PRDM5: variants seen among roughly 807,000 people sequenced by gnomAD.
The protein encoded by PRDM5 is PR/SET domain 5, also known as PR domain zinc finger protein 5.
A neutral mutation model predicts 81.2 loss-of-function variants in PRDM5; 56 were observed. The observed-to-expected ratio is 0.69, with a 90% confidence interval of 0.56 to 0.86. PRDM5 has a LOEUF of 0.86. Among genes scored for constraint, PRDM5 ranks in the 40% least tolerant of loss-of-function variants. PRDM5 has a pLI of 0.00. For synonymous variants in PRDM5, 267 were observed against 256.4 expected, an observed-to-expected ratio of 1.04 and a Z score of -0.39; for missense variants, 697 against 770.1, an observed-to-expected ratio of 0.91 and a Z score of 1.12.
intron 2 of PRDM5, among the ~76,000 whole-genome samples, chr4:120,904,380 G>A (rs374062287): frequency 1.4e-4 from 22 of 151,958 alleles, no homozygotes; most frequent in African/African-American, 4.8e-4. Context: ...GTATCAAAAG[G>A]TCTCAGGTGA....
intron 14 of PRDM5, among the ~76,000 whole-genome samples, 191 bp from the exon 15 acceptor site, chr4:120,710,604 G>T (rs1162400864): frequency 2.0e-5 from 3 of 152,158 alleles, no homozygotes; most frequent in Non-Finnish European, 2.9e-5. Context: ...TATGTCATGG[G>T]AAGGACCTGA....
intron 15 of PRDM5, 51 bp from the exon 16 acceptor site, chr4:120,695,326 A>G (rs1560875900): frequency 6.3e-7 from 1 of 1,593,044 alleles, no homozygotes; most frequent in Non-Finnish European, 8.6e-7. Context: ...AACAAAATTT[A>G]TAAACAAAAT....
At position 120,818,446 on chromosome 4, in the gene PRDM5, A is replaced by T. The variant is rs1251163677; in HGVS notation, c.557T>A (p.Leu186His). 2.2e-5 allele frequency: 36 copies of T among 1,613,608 alleles called. No homozygotes were observed. Among genetic ancestry groups the T allele is most frequent in the Non-Finnish European group, 2.9e-5 (34 of 1,179,656 alleles). The change falls in exon 5 of 16, where the codon CTC becomes CAC. Residue 186 changes from leucine (L) to histidine (H), a missense_variant. Around this residue, in one of 3 missense-constraint regions of PRDM5, gnomAD observed 577 missense variants for 606.7 expected, o/e 0.95. Coordinates refer to ENST00000264808, the MANE Select transcript of PRDM5 (RefSeq NM_018699.4). ...FTSEDILAEH[L>H]QTLHQKPTEE... is the part of the protein sequence containing the mutation. ...TGTGGGTTTCTGGTGCAATGTCTGG[A>T]GATGCTCAGCAAGAATATCCTCACT...
At chr4:120,839,240 T>G (rs1473845795) in intron 3 of PRDM5, 1 of 702,974 alleles carries the variant, frequency 1.4e-6, no homozygotes, top group Non-Finnish European at 2.6e-6. Context: ...ACAGCTCTTT[T>G]AGCCTCGCCA....
intron 2 of PRDM5, among the ~76,000 whole-genome samples, chr4:120,870,571 A>G (rs1040648071): frequency 6.6e-6 from 1 of 152,182 alleles, no homozygotes; most frequent in African/African-American, 2.4e-5. Context: ...AGGAAAAATA[A>G]TGAGTGAGTA....
chr4:120,898,318 T>A (rs564519727), intron 2 of PRDM5, among the ~76,000 whole-genome samples: 2 of 152,350 alleles, frequency 1.3e-5, no homozygotes, highest in South Asian at 2.1e-4. Context: ...TTTATAATAA[T>A]CTGCCACGCA....
chr4:120,909,706 A>C lies in PRDM5; in HGVS notation c.94-2149T>G, dbSNP rs180890489. On this transcript the variant is annotated intron_variant, in intron 1 of 15. Coordinates refer to ENST00000264808, the MANE Select transcript of PRDM5 (RefSeq NM_018699.4). ...TAGAAACTCAAATAAATGCAATGGG[A>C]TCGGGGGGTGGGGGGTGCGGGGGAA... 7.6e-4 allele frequency among the ~76,000 whole-genome samples: 100 copies of C among 132,070 alleles called. No individual in the cohort carries two copies. The East Asian group carries it at 0.02, about 27-fold the overall frequency. The allele number at this position is 132,070 out of a possible 152,430, so 86.6% of individuals were successfully genotyped here. A position where few individuals can be genotyped will look rare whatever the true frequency, so the allele number is the denominator to read the frequency against.
intron 14 of PRDM5, among the ~76,000 whole-genome samples, chr4:120,741,041 T>C (rs1046116957): frequency 1.3e-5 from 2 of 152,124 alleles, no homozygotes; most frequent in South Asian, 2.1e-4. Context: ...AACTCAAATA[T>C]CATCCTCTAT....
intron 8 of PRDM5, among the ~76,000 whole-genome samples, chr4:120,810,020 A>G (rs571418201): frequency 1.3e-5 from 2 of 152,308 alleles, no homozygotes; most frequent in African/African-American, 4.8e-5. Context: ...CACTGATTCT[A>G]TATTATGGTG....
intron 2 of PRDM5, among the ~76,000 whole-genome samples, chr4:120,900,972 C>T (rs546915122): frequency 1.3e-3 from 200 of 152,234 alleles, no homozygotes; most frequent in Non-Finnish European, 2.2e-3. Flanking sequence ...CTATTGTTAC[C>T]CATTCACTTC....
chr4:120,808,211 G>C (rs1240414287), intron 8 of PRDM5, among the ~76,000 whole-genome samples: 1 of 152,140 alleles, frequency 6.6e-6, no homozygotes, highest in East Asian at 1.9e-4. Flanking sequence ...CCCACATCCT[G>C]CTGATTGGTC....
At chr4:120,869,720 C>T (rs921722497) in intron 2 of PRDM5, among the ~76,000 whole-genome samples, 1 of 152,004 alleles carries the variant, frequency 6.6e-6, no homozygotes, top group African/African-American at 2.4e-5. Flanking sequence ...GGCACAGATA[C>T]AGAAAAACTA....
chr4:120,883,697 A>T (rs2667174), intron 2 of PRDM5, among the ~76,000 whole-genome samples: 9 of 152,216 alleles, frequency 5.9e-5, no homozygotes, highest in African/African-American at 2.2e-4. Context: ...AAGTCTGCAC[A>T]TTGTGCACAT....
At chr4:120,904,126 G>A (rs1218086341) in intron 2 of PRDM5, among the ~76,000 whole-genome samples, 2 of 140,782 alleles carry the variant, frequency 1.4e-5, no homozygotes, top group Non-Finnish European at 3.0e-5. Context: ...GGAGATGGAG[G>A]TTGCAGTGAG....
chr4:120,743,913 C>T (rs1742537259), intron 14 of PRDM5, among the ~76,000 whole-genome samples: 1 of 151,730 alleles, frequency 6.6e-6, no homozygotes. Context: ...TTGAACTCAG[C>T]TCTGCACCAA....
intron 7 of PRDM5, among the ~76,000 whole-genome samples, chr4:120,813,958 G>T (rs925137865): frequency 2.0e-5 from 3 of 152,158 alleles, no homozygotes; most frequent in Non-Finnish European, 2.9e-5. Context: ...TCTGCCTGCA[G>T]GTATCAAAGG....
In PRDM5 at chr4:120,885,621, C is replaced by G. The variant is rs367646546; in HGVS notation, c.177+21853G>C. On this transcript the variant is annotated intron_variant, in intron 2 of 15. Coordinates refer to ENST00000264808, the MANE Select transcript of PRDM5 (RefSeq NM_018699.4). ...CCAGTCTGTCCAACATGGTGAAACC[C>G]CATCTCTACTAAAAATACAAAACTT... 2.6e-5 allele frequency: 4 copies of G among 152,110 alleles called. No individual in the cohort carries two copies. The East Asian group carries it at 5.8e-4, about 22-fold the overall frequency. 9.4% of individuals were successfully genotyped at this position (152,110 alleles called of 1,614,324 possible). A position where few individuals can be genotyped will look rare whatever the true frequency, so the allele number is the denominator to read the frequency against.
intron 14 of PRDM5, among the ~76,000 whole-genome samples, chr4:120,733,953 G>T (rs765070413): frequency 6.6e-6 from 1 of 151,334 alleles, no homozygotes; most frequent in African/African-American, 2.4e-5. Flanking sequence ...AAAGTATGCC[G>T]ATGGCAGAGG....
intron 1 of PRDM5, among the ~76,000 whole-genome samples, chr4:120,910,214 G>A (rs1288962862): frequency 6.6e-6 from 1 of 152,150 alleles, no homozygotes; most frequent in Non-Finnish European, 1.5e-5. Context: ...TTTCTTCAAA[G>A]TACCTTACCG....
Sources: gnomAD v4.1 joint callset for allele counts (sites outside exome capture counted in the v4.1 genomes callset) on GRCh38, gnomAD v4.1.1 for gene constraint, gnomAD v4.1.1 regional missense constraint, MANE v1.5 for transcripts, NCBI Gene and HGNC (gene_info 2026-07-23, HGNC 2026-07-21) for gene names.